DLG2: variants seen among roughly 807,000 people sequenced by gnomAD.
DLG2 encodes disks large homolog 2.
Under a neutral mutation model 132.5 loss-of-function variants are expected in DLG2, and 45 were observed. The ratio of observed to expected loss-of-function variants is 0.34; its 90% confidence interval spans 0.27 to 0.44. DLG2 has a LOEUF of 0.44. Among genes scored for constraint, DLG2 ranks in the 20% least tolerant of loss-of-function variants. The pLI, the probability that DLG2 is intolerant of heterozygous loss-of-function variation, is 1.00. For synonymous variants in DLG2, 424 were observed against 419.6 expected (o/e 1.01, Z -0.13); for missense variants, 1,045 against 1,196.9 (o/e 0.87, Z 1.87).
intron 5 of DLG2, among the ~76,000 whole-genome samples, chr11:85,139,898 T>C (rs2076357283): frequency 1.3e-5 from 2 of 152,012 alleles, no homozygotes; most frequent in African/African-American, 4.8e-5. Flanking sequence ...ATTCCACATA[T>C]ATGTGAGATT....
chr11:84,422,459 G>C (rs2098954065), intron 7 of DLG2, among the ~76,000 whole-genome samples: 1 of 152,100 alleles, frequency 6.6e-6, no homozygotes, highest in African/African-American at 2.4e-5. Flanking sequence ...TCTGAATAAG[G>C]GTATGAAGTT....
intron 6 of DLG2, among the ~76,000 whole-genome samples, chr11:84,857,524 G>A (rs945006925): frequency 3.9e-5 from 6 of 151,994 alleles, no homozygotes; most frequent in Non-Finnish European, 8.8e-5. Flanking sequence ...TTTTAAGTAT[G>A]TAATATACAA....
At chr11:84,500,443 T>C (rs1364244808) in intron 7 of DLG2, among the ~76,000 whole-genome samples, 1 of 151,650 alleles carries the variant, frequency 6.6e-6, no homozygotes, top group Non-Finnish European at 1.5e-5. Flanking sequence ...AAAGAATCAA[T>C]GAAAACATTA....
chr11:84,548,917 T>G (rs1236111954), intron 6 of DLG2, among the ~76,000 whole-genome samples: 1 of 152,208 alleles, frequency 6.6e-6, no homozygotes, highest in African/African-American at 2.4e-5. Flanking sequence ...TATTTCTGGA[T>G]GACTATTACT....
At chr11:84,838,932 C>A (rs769870781) in intron 6 of DLG2, among the ~76,000 whole-genome samples, 1 of 152,040 alleles carries the variant, frequency 6.6e-6, no homozygotes, top group Non-Finnish European at 1.5e-5. Flanking sequence ...AAAACTGGTA[C>A]AAGACAGGGA....
intron 21 of DLG2, among the ~76,000 whole-genome samples, chr11:83,488,938 A>G (rs2093682665): frequency 6.6e-6 from 1 of 152,036 alleles, no homozygotes; most frequent in African/African-American, 2.4e-5. Flanking sequence ...TAAGGGAAAG[A>G]TAAGAGTTGG....
At chr11:83,973,752 T>C (rs2091761890) in intron 12 of DLG2, among the ~76,000 whole-genome samples, 1 of 151,984 alleles carries the variant, frequency 6.6e-6, no homozygotes, top group Non-Finnish European at 1.5e-5. Context: ...GAAATCCAGA[T>C]TTGATTATTC....
At chr11:84,908,909 C>T (rs61907735) in intron 6 of DLG2, among the ~76,000 whole-genome samples, 73,961 of 150,910 alleles carry the variant, frequency 0.49, 18,464 homozygotes, top group South Asian at 0.54. Flanking sequence ...CATCTTACAG[C>T]TGAAGAAACA....
At chr11:85,128,115 AT>A (rs1464670660) in intron 5 of DLG2, among the ~76,000 whole-genome samples, 1 of 152,190 alleles carries the variant, frequency 6.6e-6, no homozygotes, top group Non-Finnish European at 1.5e-5. Flanking sequence ...GAATTTTATT[AT>A]GTACATTAAC....
chr11:84,215,528 C>A lies in DLG2; in HGVS notation c.573+35710G>T, dbSNP rs187097375. The stretch of plus-strand genomic sequence containing the variant: ...GTCAAGAAGGGGCTTTTTGCTGGTT[C>A]AGCTTAAAGTCCATTGCCTAGAACA... On this transcript the variant is annotated intron_variant, in intron 8 of 27. Transcript: ENST00000376104. Among the ~76,000 whole-genome samples the A allele has an allele frequency of 2.9e-3, 435 of 152,090 alleles. 7 individuals carry two copies. Among genetic ancestry groups the A allele is most frequent in the East Asian group, 0.015 (79 of 5,160 alleles).
chr11:84,732,197 G>A (rs1185750319), intron 6 of DLG2, among the ~76,000 whole-genome samples: 1 of 152,000 alleles, frequency 6.6e-6, no homozygotes. Context: ...ATGAACACTT[G>A]AGTCACTTTC....
chr11:84,577,065 G>A (rs1013021103), intron 6 of DLG2, among the ~76,000 whole-genome samples: 1 of 152,130 alleles, frequency 6.6e-6, no homozygotes, highest in Non-Finnish European at 1.5e-5. Context: ...GGGTTTATCA[G>A]GGGTTTTGGC....
chr11:83,781,044 A>C (rs927697453), intron 18 of DLG2, among the ~76,000 whole-genome samples: 1 of 152,218 alleles, frequency 6.6e-6, no homozygotes, highest in Non-Finnish European at 1.5e-5. Context: ...AGATCTTACA[A>C]TTCTAAGAAG....
At chr11:84,941,479 A>T (rs1434576646) in intron 6 of DLG2, among the ~76,000 whole-genome samples, 2 of 152,148 alleles carry the variant, frequency 1.3e-5, no homozygotes, top group Non-Finnish European at 2.9e-5. Context: ...ATCAATTAAA[A>T]GGATCATATG....
chr11:85,055,318 T>G (rs552890811), intron 6 of DLG2, among the ~76,000 whole-genome samples: 1 of 152,314 alleles, frequency 6.6e-6, no homozygotes, highest in East Asian at 1.9e-4. Context: ...TAACATTCTC[T>G]TGCTAAGAAC....
chr11:84,145,950 T>A (rs1036578893), intron 9 of DLG2, among the ~76,000 whole-genome samples: 3 of 152,184 alleles, frequency 2.0e-5, no homozygotes, highest in African/African-American at 7.2e-5. Flanking sequence ...GTCTGTAAAC[T>A]ATATTTCTAA....
chr11:85,172,299 A>G (rs2078933159), intron 4 of DLG2, among the ~76,000 whole-genome samples: 1 of 152,188 alleles, frequency 6.6e-6, no homozygotes, highest in Non-Finnish European at 1.5e-5. Context: ...CACTGATGAT[A>G]TCTCCAGGTG....
intron 6 of DLG2, among the ~76,000 whole-genome samples, chr11:84,615,907 A>G (rs2154539640): frequency 6.6e-6 from 1 of 151,610 alleles, no homozygotes; most frequent in African/African-American, 2.4e-5. Flanking sequence ...TCCATTCAAC[A>G]TATGTCAGAC....
intron 6 of DLG2, among the ~76,000 whole-genome samples, chr11:84,863,952 A>G (rs546244431): frequency 6.6e-6 from 1 of 152,340 alleles, no homozygotes; most frequent in East Asian, 1.9e-4. Flanking sequence ...ACTGCTGGTA[A>G]GGATTCAGTG....
Sources: allele counts gnomAD v4.1 joint callset (sites outside exome capture counted in the v4.1 genomes callset), GRCh38; gene constraint gnomAD v4.1.1; transcripts MANE v1.5; gene names NCBI Gene and HGNC (gene_info 2026-07-23, HGNC 2026-07-21).